The following UGT2B4 variants were observed in gnomAD, a reference collection of about 807,000 sequenced individuals.
The protein encoded by UGT2B4 is UDP-glucuronosyltransferase 2B4.
In UGT2B4, 49 loss-of-function variants were observed where a neutral mutation model predicts 49.8. The observed-to-expected ratio is 0.98, with a 90% confidence interval of 0.78 to 1.25. UGT2B4 has a LOEUF of 1.25. Among genes scored for constraint, UGT2B4 ranks in the 50% most tolerant of loss-of-function variants. The pLI is 0.00. For missense variants in UGT2B4, 729 were observed against 627.7 expected, an observed-to-expected ratio of 1.16 and a Z score of -1.73; for synonymous variants, 246 against 217.7, an observed-to-expected ratio of 1.13 and a Z score of -1.14.
At chr4:69,523,481 G>A (rs1728891181) in intron 1 of UGT2B4, among the ~76,000 whole-genome samples, 1 of 152,046 alleles carries the variant, frequency 6.6e-6, no homozygotes, top group African/African-American at 2.4e-5. Context: ...TTTGAAAGGA[G>A]TCTTTATTTT....
chr4:69,498,831 A>AT (rs1417181819), upstream of UGT2B4, among the ~76,000 whole-genome samples: 2 of 151,316 alleles, frequency 1.3e-5, no homozygotes, highest in Non-Finnish European at 3.0e-5. Context: ...GGATTTGTTG[A>AT]TTTTTTGAAT....
At chr4:69,493,935 T>C in intron 1 of UGT2B4, 94 bp from the exon 2 acceptor site, 1 of 1,417,594 alleles carries the variant, frequency 7.1e-7, no homozygotes, top group Non-Finnish European at 9.4e-7. Flanking sequence ...GGCAAAAATG[T>C]AGGCAAAGTG....
upstream of UGT2B4, among the ~76,000 whole-genome samples, chr4:69,498,010 GA>G (rs5859185): frequency 0.58 from 88,657 of 151,998 alleles, 26,671 homozygotes; most frequent in East Asian, 0.75. Context: ...TCTCCACGAA[GA>G]AAAAAGTTTA....
At chr4:69,509,878 G>A (rs1728565211) in intron 1 of UGT2B4, among the ~76,000 whole-genome samples, 1 of 151,432 alleles carries the variant, frequency 6.6e-6, no homozygotes, top group South Asian at 2.1e-4. Context: ...CCACCTGTTT[G>A]TATTTGCTTT....
chr4:69,489,760 A>C (rs1727925313), intron 2 of UGT2B4, among the ~76,000 whole-genome samples, 190 bp from the exon 3 acceptor site: 1 of 151,992 alleles, frequency 6.6e-6, no homozygotes, highest in Non-Finnish European at 1.5e-5. Context: ...GCCTCTGTTA[A>C]GGGTCTTTGT....
chr4:69,488,648 T>C (rs575411375), intron 3 of UGT2B4, among the ~76,000 whole-genome samples: 1 of 152,124 alleles, frequency 6.6e-6, no homozygotes, highest in Non-Finnish European at 1.5e-5. Flanking sequence ...GTCCTTTCTA[T>C]ATTTCCTTCT....
At chr4:69,490,129 T>C (rs1031785390) in intron 2 of UGT2B4, among the ~76,000 whole-genome samples, 2 of 152,066 alleles carry the variant, frequency 1.3e-5, no homozygotes, top group Admixed American at 1.3e-4. Context: ...TTTCCAGTCT[T>C]TTTTCAAAAG....
chr4:69,517,290 A>G (rs906867672), intron 1 of UGT2B4, among the ~76,000 whole-genome samples: 3 of 152,180 alleles, frequency 2.0e-5, no homozygotes, highest in African/African-American at 7.2e-5. Context: ...CAGCAATAAT[A>G]AAACTATCAA....
At chr4:69,506,098 A>T (rs1006954515) in intron 1 of UGT2B4, among the ~76,000 whole-genome samples, 2 of 152,144 alleles carry the variant, frequency 1.3e-5, no homozygotes, top group Non-Finnish European at 2.9e-5. Context: ...AATGTATAGG[A>T]CTAAATGCCC....
At chr4:69,525,251 G>A (rs770844063) in intron 1 of UGT2B4, among the ~76,000 whole-genome samples, 40 of 152,220 alleles carry the variant, frequency 2.6e-4, no homozygotes, top group Middle Eastern at 3.4e-3. Flanking sequence ...TGATTAAAAT[G>A]TATATTAGTA....
chr4:69,480,991 C>A (rs996004073), intron 5 of UGT2B4, 81 bp from the exon 6 acceptor site: 2 of 1,518,452 alleles, frequency 1.3e-6, no homozygotes, highest in East Asian at 2.4e-5. Context: ...GCAATCCCAG[C>A]AGTTTCCGAG....
At position 69,504,176 on chromosome 4, in the gene UGT2B4, AATGACC is replaced by A. The variant is rs1324653389; in HGVS notation, c.-105-8216_-105-8211del. 5.3e-5 allele frequency among the ~76,000 whole-genome samples: 8 copies of A among 152,200 alleles called. 1 individual carries two copies. Among genetic ancestry groups the A allele is most frequent in the Non-Finnish European group, 1.2e-4 (8 of 68,014 alleles). ...AAAGCCACAGTACCTTCCCTCATCCAATGACCACATCACCTCTCCAGCAAAGGTTCA... is the reference window on the plus strand; with the variant it reads ...AAAGCCACAGTACCTTCCCTCATCCAACATCACCTCTCCAGCAAAGGTTCA... On this transcript the variant is annotated intron_variant, in intron 1 of 1. Coordinates refer to the UGT2B4 transcript ENST00000510114.
intron 1 of UGT2B4, among the ~76,000 whole-genome samples, chr4:69,508,503 A>G (rs1331707505): frequency 6.6e-6 from 1 of 152,204 alleles, no homozygotes. Context: ...CCTATACACT[A>G]TAGAATTCAA....
At chr4:69,499,438 C>T (rs74646791), upstream of UGT2B4, among the ~76,000 whole-genome samples, 6,447 of 152,118 alleles carry the variant, frequency 0.042, 206 homozygotes, top group Middle Eastern at 0.13. Flanking sequence ...TGTTTTGAAA[C>T]TCTGTCTAAT....
At position 69,493,020 on chromosome 4, in the gene UGT2B4, C is replaced by G. The variant is rs41300010; in HGVS notation, c.870+673G>C. ...AATGTGCTTAATAAATATTTCAACT[C>G]CTGAGGAGTATCTGGCTCTTATCTT... On this transcript the variant is annotated intron_variant, in intron 2 of 5. Coordinates refer to ENST00000305107, the MANE Select transcript of UGT2B4 (RefSeq NM_021139.3). 4.8e-3 allele frequency among the ~76,000 whole-genome samples: 725 copies of G among 152,166 alleles called. 6 individuals are homozygous for G. Among genetic ancestry groups the G allele is most frequent in the African/African-American group, 0.016 (684 of 41,548 alleles).
chr4:69,501,617 T>A (rs978809080), intron 1 of UGT2B4, among the ~76,000 whole-genome samples: 1 of 152,126 alleles, frequency 6.6e-6, no homozygotes, highest in Non-Finnish European at 1.5e-5. Context: ...TCCTCATCAC[T>A]GGGTGGAGTC....
upstream of UGT2B4, among the ~76,000 whole-genome samples, chr4:69,500,606 G>GAAGAAAGAAAGAAGGA (rs1728283659): frequency 1.0e-5 from 1 of 99,510 alleles, no homozygotes; most frequent in Non-Finnish European, 2.0e-5. Flanking sequence ...AGAAAGCAAG[G>GAAGAAAGAAAGAAGGA]AAGAAAGAAA....
At chr4:69,505,551 A>G (rs1338318759) in intron 1 of UGT2B4, among the ~76,000 whole-genome samples, 1 of 152,184 alleles carries the variant, frequency 6.6e-6, no homozygotes, top group Non-Finnish European at 1.5e-5. Flanking sequence ...ACACAGGAGC[A>G]CCCAGATTCA....
intron 1 of UGT2B4, among the ~76,000 whole-genome samples, chr4:69,514,530 C>G (rs746206652): frequency 1.3e-5 from 2 of 152,128 alleles, no homozygotes; most frequent in African/African-American, 2.4e-5. Context: ...GCATCCTTGT[C>G]TTGGGCTGGT....
Sources: gnomAD v4.1 joint callset for allele counts (sites outside exome capture counted in the v4.1 genomes callset) on GRCh38, gnomAD v4.1.1 for gene constraint, MANE v1.5 for transcripts, NCBI Gene and HGNC (gene_info 2026-07-23, HGNC 2026-07-21) for gene names.